DNAH5: variants seen among roughly 807,000 people sequenced by gnomAD.
DNAH5 encodes axonemal beta dynein heavy chain 5.
DNAH5 carries 372 observed loss-of-function variants against 518.2 expected under a neutral mutation model. The ratio of observed to expected loss-of-function variants is 0.72; its 90% CI spans 0.66 to 0.78. The LOEUF is 0.78. Among genes scored for constraint, DNAH5 ranks in the 30% least tolerant of loss-of-function variants. The pLI is 0.00. For synonymous variants in DNAH5, 2,039 were observed against 2,025.9 expected (o/e 1.01, Z -0.17); for missense variants, 5,523 against 5,687.0 (o/e 0.97, Z 0.93).
At chr5:13,785,418 T>C (rs776338717) in intron 52 of DNAH5, among the ~76,000 whole-genome samples, 2 of 152,198 alleles carry the variant, frequency 1.3e-5, no homozygotes, top group African/African-American at 2.4e-5. Context: ...ATAGAAATTA[T>C]ACTTTCATGG....
intron 23 of DNAH5, 113 bp downstream of exon 23, chr5:13,871,451 G>A (rs536466258): frequency 1.1e-6 from 1 of 918,458 alleles, no homozygotes; most frequent in South Asian, 1.5e-5. Flanking sequence ...AAAGCTTGAG[G>A]CCCATAAAGT....
chr5:13,839,842 C>G (rs1764923807), intron 34 of DNAH5, among the ~76,000 whole-genome samples: 1 of 152,170 alleles, frequency 6.6e-6, no homozygotes, highest in Admixed American at 6.5e-5. Context: ...ATGCCATAGT[C>G]CTCACCATGA....
At position 13,864,080 on chromosome 5, in the gene DNAH5, A is replaced by G. The variant is rs795510; in HGVS notation, c.4596+317T>C. Among the ~76,000 whole-genome samples, 127,037 of 152,228 alleles carry G rather than the reference A, an allele frequency of 0.83. 53,368 individuals are homozygous for G. The highest frequency in any genetic ancestry group is 0.88 in the Non-Finnish European group (59,823 of 68,026). On this transcript the variant is annotated intron_variant, in intron 28 of 78. Transcript: ENST00000265104. ...CCCTAGCTTTATCACCCCCAGGTGA[A>G]CCAAACTCATCTACCATAGGCTTTC... is the stretch of plus-strand genomic sequence containing the variant.
At chr5:13,835,257 C>T (rs1179801506) in intron 35 of DNAH5, among the ~76,000 whole-genome samples, 1 of 148,644 alleles carries the variant, frequency 6.7e-6, no homozygotes, top group Non-Finnish European at 1.5e-5. Flanking sequence ...CCAGCCTGGG[C>T]GACAGAGTGA....
At chr5:13,863,829 A>G (rs116114944) in intron 28 of DNAH5, among the ~76,000 whole-genome samples, 15 of 152,114 alleles carry the variant, frequency 9.9e-5, no homozygotes, top group Admixed American at 9.8e-4. Context: ...CGATAACATC[A>G]TGTAGGCCCA....
chr5:13,966,619 T>G (rs1781546889), intron 1 of DNAH5, among the ~76,000 whole-genome samples: 1 of 152,244 alleles, frequency 6.6e-6, no homozygotes, highest in Non-Finnish European at 1.5e-5. Flanking sequence ...TTAGTGATGT[T>G]GGGCATTTTT....
intron 35 of DNAH5, among the ~76,000 whole-genome samples, chr5:13,831,086 A>G (rs1763617905): frequency 6.6e-6 from 1 of 152,230 alleles, no homozygotes; most frequent in African/African-American, 2.4e-5. Context: ...TATAAAAATA[A>G]TACATTGCAT....
chr5:13,803,371 A>T (rs1473172383), intron 47 of DNAH5, among the ~76,000 whole-genome samples: 2 of 152,218 alleles, frequency 1.3e-5, no homozygotes, highest in East Asian at 3.8e-4. Context: ...CAAAAATCAC[A>T]TGAAAATACA....
intron 47 of DNAH5, among the ~76,000 whole-genome samples, chr5:13,798,493 T>G (rs1192626343): frequency 6.6e-6 from 1 of 152,104 alleles, no homozygotes; most frequent in Non-Finnish European, 1.5e-5. Flanking sequence ...TAAATCATGT[T>G]AAAGATGTTG....
chr5:13,754,185 A>T lies in DNAH5; in HGVS notation c.10555+18T>A. The T allele has an allele frequency of 6.2e-7, 1 of 1,614,030 alleles. No homozygotes were observed. The highest frequency in any genetic ancestry group is 8.5e-7 in the Non-Finnish European group (1 of 1,179,882). ...TCACAGTCAACACACAATCTCATTA[A>T]TAAAGAAATTTACATACCTACAAGT... On this transcript the variant is annotated intron_variant, in intron 62 of 78. Transcript: ENST00000265104.
intron 1 of DNAH5, among the ~76,000 whole-genome samples, chr5:13,936,132 G>A (rs1179712273): frequency 1.3e-5 from 2 of 152,186 alleles, no homozygotes; most frequent in Non-Finnish European, 2.9e-5. Flanking sequence ...GAGCACTGAT[G>A]TCAGAATGAG....
intron 47 of DNAH5, among the ~76,000 whole-genome samples, chr5:13,801,553 T>C (rs185173078): frequency 6.6e-4 from 101 of 152,288 alleles, no homozygotes; most frequent in Non-Finnish European, 1.4e-3. Context: ...CTGTTTCCTT[T>C]CTCATTTTAC....
chr5:13,700,512 G>C (rs1484167690), intron 78 of DNAH5, 128 bp downstream of exon 78: 2 of 885,868 alleles, frequency 2.3e-6, no homozygotes, highest in Admixed American at 1.9e-5. Flanking sequence ...ACATGGGTGT[G>C]AATGTAAAGC....
chr5:13,731,597 G>A (rs187005138), intron 68 of DNAH5, among the ~76,000 whole-genome samples: 2 of 152,104 alleles, frequency 1.3e-5, no homozygotes, highest in South Asian at 2.1e-4. Context: ...GGAATAATTC[G>A]AAATAAATTG....
intron 76 of DNAH5, 90 bp from the exon 77 acceptor site, chr5:13,701,526 A>C: frequency 8.0e-7 from 1 of 1,244,768 alleles, no homozygotes; most frequent in Non-Finnish European, 1.2e-6. Context: ...AAAAAGATGA[A>C]ATATCAATTT....
intron 55 of DNAH5, among the ~76,000 whole-genome samples, chr5:13,775,758 C>T (rs1024713279): frequency 1.3e-5 from 2 of 152,230 alleles, no homozygotes; most frequent in African/African-American, 4.8e-5. Flanking sequence ...AATGCTTCCT[C>T]CGGCAACCCC....
chr5:13,727,315 T>G (rs1745886328), intron 70 of DNAH5, among the ~76,000 whole-genome samples, 192 bp downstream of exon 70: 1 of 152,230 alleles, frequency 6.6e-6, no homozygotes, highest in South Asian at 2.1e-4. Flanking sequence ...ACTAAATCAC[T>G]TAGCCCAAAC....
chr5:13,847,565 A>T (rs1561420786), intron 31 of DNAH5, among the ~76,000 whole-genome samples: 1 of 53,752 alleles, frequency 1.9e-5, no homozygotes, highest in Non-Finnish European at 3.8e-5. Flanking sequence ...ACTAAAAAAA[A>T]TGCCAAAAAA....
At chr5:13,987,994 A>T (rs769809415) in intron 1 of DNAH5, among the ~76,000 whole-genome samples, 9 of 152,230 alleles carry the variant, frequency 5.9e-5, no homozygotes, top group Non-Finnish European at 1.0e-4. Flanking sequence ...AAATAGGATC[A>T]AATTCAAAGA....
Sources: allele counts gnomAD v4.1 joint callset (sites outside exome capture counted in the v4.1 genomes callset), GRCh38; gene constraint gnomAD v4.1.1; transcripts MANE v1.5; gene names NCBI Gene and HGNC (gene_info 2026-07-23, HGNC 2026-07-21).